Variants in MXRA7 observed in about 807,000 individuals in gnomAD.
MXRA7 encodes matrix remodeling associated 7, also known as matrix-remodeling-associated protein 7.
Under a neutral mutation model 17.4 loss-of-function variants are expected in MXRA7, and 18 were observed. The observed-to-expected ratio is 1.03, with a 90% CI of 0.71 to 1.53. MXRA7 has a LOEUF of 1.53. MXRA7 is among the 40% of genes most tolerant of loss of function. MXRA7 has a pLI of 0.00. For missense variants in MXRA7, 141 were observed against 209.3 expected (o/e 0.67, Z 2.01); for synonymous variants, 70 against 101.7 (o/e 0.69, Z 1.87).
intron 1 of MXRA7, among the ~76,000 whole-genome samples, chr17:76,698,712 GTTTTTTTTTTTTTT>G (rs3078394): frequency 1.8e-5 from 1 of 54,884 alleles, no homozygotes; most frequent in African/African-American, 6.6e-5. Flanking sequence ...CTTCCTTTCT[GTTTTTTTTTTTTTT>G]TTTTTTTTTT....
At chr17:76,687,589 C>T (rs1307686364) in intron 2 of MXRA7, among the ~76,000 whole-genome samples, 2 of 152,176 alleles carry the variant, frequency 1.3e-5, no homozygotes, top group African/African-American at 2.4e-5. Context: ...TGGCCGGGTC[C>T]GATCTGGCAG....
intron 1 of MXRA7, among the ~76,000 whole-genome samples, chr17:76,696,208 C>A (rs1232327795): frequency 6.6e-6 from 1 of 151,974 alleles, no homozygotes; most frequent in Non-Finnish European, 1.5e-5. Flanking sequence ...AGTGAGAAGC[C>A]ACCTGAAACT....
chr17:76,703,259 C>T (rs190823812), intron 1 of MXRA7, among the ~76,000 whole-genome samples: 4 of 152,136 alleles, frequency 2.6e-5, no homozygotes, highest in East Asian at 1.9e-4. Flanking sequence ...GGTTGGTCAG[C>T]GGGTTATAAA....
chr17:76,708,998 A>G (rs754906712), intron 1 of MXRA7, among the ~76,000 whole-genome samples: 2 of 152,164 alleles, frequency 1.3e-5, no homozygotes, highest in Non-Finnish European at 2.9e-5. Flanking sequence ...ACAGTGGCAA[A>G]TTATGCGAGT....
chr17:76,691,745 G>A (rs888203927), intron 1 of MXRA7, among the ~76,000 whole-genome samples: 12 of 152,198 alleles, frequency 7.9e-5, no homozygotes, highest in African/African-American at 2.9e-4. Flanking sequence ...CATGGTTGAT[G>A]TCTCTCTTTA....
downstream of MXRA7, among the ~76,000 whole-genome samples, chr17:76,679,286 T>TC (rs2076266852): frequency 2.1e-5 from 1 of 47,598 alleles, no homozygotes. Flanking sequence ...AGGCCCTGTC[T>TC]CAAAAAAAAA....
At chr17:76,694,148 T>A (rs1033157589) in intron 1 of MXRA7, among the ~76,000 whole-genome samples, 27 of 152,166 alleles carry the variant, frequency 1.8e-4, no homozygotes, top group Non-Finnish European at 1.6e-4. Flanking sequence ...AAGGACCCTC[T>A]GGGACCAGAG....
chr17:76,702,483 G>A (rs9900949), intron 1 of MXRA7, among the ~76,000 whole-genome samples: 19,634 of 152,086 alleles, frequency 0.13, 1,718 homozygotes, highest in African/African-American at 0.24. Context: ...ACCCCAGCCT[G>A]GTTCTCTAAA....
chr17:76,709,003 GCGAGTGGCCCTATTTAAACA>G (rs2076691368), intron 1 of MXRA7, among the ~76,000 whole-genome samples: 1 of 152,178 alleles, frequency 6.6e-6, no homozygotes, highest in Admixed American at 6.5e-5. Flanking sequence ...GGCAAATTAT[GCGAGTGGCCCTATTTAAACA>G]CCACTGAACC....
chr17:76,689,653 G>A (rs1030828636), intron 1 of MXRA7: 1 of 152,120 alleles, frequency 6.6e-6, no homozygotes, highest in East Asian at 1.9e-4. Flanking sequence ...ATCTGCTCCA[G>A]ACTGGAGAAA....
chr17:76,700,477 C>T (rs957243039), intron 1 of MXRA7, among the ~76,000 whole-genome samples: 2 of 152,168 alleles, frequency 1.3e-5, no homozygotes, highest in African/African-American at 2.4e-5. Flanking sequence ...GAACTGCAGG[C>T]GGCTGTGCAG....
chr17:76,688,832 T>G, intron 1 of MXRA7: 1 of 469,022 alleles, frequency 2.1e-6, no homozygotes, highest in Non-Finnish European at 3.4e-6. Context: ...TTGAAGGTCA[T>G]GGGGAGGGGA....
Position 76,685,147 on chromosome 17 carries a change from T to G in MXRA7, c.425A>C (p.Lys142Thr). Residue 142 changes from lysine to threonine, a missense_variant, in exon 3 of 4, where the codon AAA becomes ACA. Around this residue, in one of 3 missense-constraint regions of MXRA7, gnomAD observed 67 missense variants for 80.3 expected, o/e 0.83. Coordinates refer to ENST00000449428, the MANE Select transcript of MXRA7 (RefSeq NM_198530.4). ...EEEDGEGFSFKYSPGKLRGNQ... is the reference protein window; with the variant it reads ...EEEDGEGFSFTYSPGKLRGNQ... ...TCCCCTCAGCTTCCCGGGGCTGTAT[T>G]TGAAGGAGAAGCCTTCTCCTGTGGA... 2 of 1,613,982 alleles carry G rather than the reference T, an allele frequency of 1.2e-6. No homozygotes were observed. The highest frequency in any genetic ancestry group is 4.5e-5 in the East Asian group (2 of 44,852).
chr17:76,686,336 C>A (rs1278503874), intron 2 of MXRA7, among the ~76,000 whole-genome samples: 2 of 152,046 alleles, frequency 1.3e-5, no homozygotes, highest in Non-Finnish European at 2.9e-5. Flanking sequence ...AAAAATTAGC[C>A]GGGCGTGGTG....
At chr17:76,704,928 C>A (rs1212396435) in intron 1 of MXRA7, among the ~76,000 whole-genome samples, 1 of 152,016 alleles carries the variant, frequency 6.6e-6, no homozygotes, top group Non-Finnish European at 1.5e-5. Flanking sequence ...GCAGGTTGTT[C>A]CAGAAATACT....
chr17:76,708,694 T>C (rs1219093423), intron 1 of MXRA7, among the ~76,000 whole-genome samples: 3 of 152,136 alleles, frequency 2.0e-5, no homozygotes, highest in Non-Finnish European at 2.9e-5. Flanking sequence ...GATGACACAA[T>C]ATCTGTGTCC....
At chr17:76,684,037 C>A in intron 3 of MXRA7, 2 of 849,270 alleles carry the variant, frequency 2.4e-6, no homozygotes, top group South Asian at 1.3e-5. Context: ...TTACACTGCC[C>A]GCCCCCCACC....
At chr17:76,702,473 A>G (rs2076600975) in intron 1 of MXRA7, among the ~76,000 whole-genome samples, 1 of 152,160 alleles carries the variant, frequency 6.6e-6, no homozygotes, top group Non-Finnish European at 1.5e-5. Context: ...GTGCCAATGC[A>G]CCCCAGCCTG....
chr17:76,687,365 C>T (rs2076411105), intron 2 of MXRA7, among the ~76,000 whole-genome samples: 1 of 152,336 alleles, frequency 6.6e-6, no homozygotes, highest in South Asian at 2.1e-4. Context: ...TGCCAGCAGC[C>T]GACTTAACAT....
Sources: allele counts gnomAD v4.1 joint callset (sites outside exome capture counted in the v4.1 genomes callset), GRCh38; gene constraint gnomAD v4.1.1; regional missense constraint gnomAD v4.1.1; transcripts MANE v1.5; gene names NCBI Gene and HGNC (gene_info 2026-07-23, HGNC 2026-07-21).